The following ST3GAL2 variants were observed in gnomAD, a reference collection of about 807,000 sequenced individuals.
ST3GAL2 encodes ST3 beta-galactoside alpha-2,3-sialyltransferase 2, also known as CMP-N-acetylneuraminate-beta-galactosamide-alpha-2,3-sialyltransferase 2.
Under a neutral mutation model 37.5 loss-of-function variants are expected in ST3GAL2, and 16 were observed. The ratio of observed to expected loss-of-function variants is 0.43; its 90% CI spans 0.29 to 0.65. The LOEUF (loss-of-function observed/expected upper bound fraction) is 0.65. Among genes scored for constraint, ST3GAL2 ranks in the 30% least tolerant of loss-of-function variants. The probability of loss-of-function intolerance (pLI) is 0.17; values close to 1 mark genes in which losing one functional copy is unlikely to be tolerated. For synonymous variants in ST3GAL2, 238 were observed against 202.9 expected (o/e 1.17, Z -1.47); for missense variants, 383 against 487.8 (o/e 0.79, Z 2.02).
At chr16:70,383,875 T>C (rs2047423648) in intron 4 of ST3GAL2, among the ~76,000 whole-genome samples, 1 of 151,400 alleles carries the variant, frequency 6.6e-6, no homozygotes, top group Non-Finnish European at 1.5e-5. Flanking sequence ...CAGCAAGCGA[T>C]GGGGCCTTCC....
chr16:70,411,641 G>C (rs2047639078), intron 1 of ST3GAL2, among the ~76,000 whole-genome samples: 1 of 152,126 alleles, frequency 6.6e-6, no homozygotes. Context: ...AACTAATCCA[G>C]TGTTTTCCAG....
intron 1 of ST3GAL2, among the ~76,000 whole-genome samples, chr16:70,427,312 C>T (rs1405911008): frequency 6.6e-6 from 1 of 151,580 alleles, no homozygotes; most frequent in African/African-American, 2.4e-5. Context: ...TAATCCAAGC[C>T]CCTCAAGCCC....
intron 1 of ST3GAL2, among the ~76,000 whole-genome samples, chr16:70,432,949 G>C (rs977320088): frequency 2.0e-5 from 3 of 152,254 alleles, no homozygotes; most frequent in Non-Finnish European, 4.4e-5. Context: ...ACCACATAGA[G>C]AGCCTCTGGG....
chr16:70,426,202 T>TTG (rs1555561555), intron 1 of ST3GAL2, among the ~76,000 whole-genome samples: 12 of 143,060 alleles, frequency 8.4e-5, no homozygotes, highest in Non-Finnish European at 1.4e-4. Context: ...TTTTTTTTTT[T>TTG]TTTGTTTTTG....
intron 1 of ST3GAL2, among the ~76,000 whole-genome samples, chr16:70,403,193 T>C (rs1377697330): frequency 1.3e-5 from 2 of 150,178 alleles, no homozygotes; most frequent in African/African-American, 4.9e-5. Flanking sequence ...ACTAGTAGGG[T>C]AGTTGGAGGG....
intron 1 of ST3GAL2, among the ~76,000 whole-genome samples, chr16:70,417,853 C>T (rs534857257): frequency 6.6e-6 from 1 of 152,180 alleles, no homozygotes; most frequent in Non-Finnish European, 1.5e-5. Flanking sequence ...TCTCCCAACG[C>T]TGCCCTCTGA....
intron 3 of ST3GAL2, 29 bp downstream of exon 3, chr16:70,394,953 G>T: frequency 1.2e-6 from 2 of 1,603,790 alleles, no homozygotes; most frequent in South Asian, 1.1e-5. Flanking sequence ...CCCATCCTGA[G>T]CCCACCCTTG....
chr16:70,408,106 T>C (rs1245132022), intron 1 of ST3GAL2, among the ~76,000 whole-genome samples: 3 of 152,088 alleles, frequency 2.0e-5, no homozygotes, highest in Non-Finnish European at 4.4e-5. Flanking sequence ...TTTATGAACC[T>C]CTGAGCATTT....
At chr16:70,419,061 A>G (rs2047695762) in intron 1 of ST3GAL2, among the ~76,000 whole-genome samples, 3 of 152,152 alleles carry the variant, frequency 2.0e-5, no homozygotes, top group African/African-American at 7.2e-5. Flanking sequence ...CAACTCTTGG[A>G]TGTCAACATC....
chr16:70,386,026 GTT>G (rs2047440680), intron 4 of ST3GAL2, among the ~76,000 whole-genome samples: 2 of 151,590 alleles, frequency 1.3e-5, no homozygotes, highest in Admixed American at 1.3e-4. Context: ...AATTTTTTTT[GTT>G]TTGTTTTGTT....
intron 1 of ST3GAL2, among the ~76,000 whole-genome samples, chr16:70,426,140 G>A (rs529419498): frequency 3.4e-5 from 5 of 147,536 alleles, no homozygotes; most frequent in Non-Finnish European, 5.9e-5. Flanking sequence ...AGGATCCTAC[G>A]TTCCATTGCT....
intron 1 of ST3GAL2, among the ~76,000 whole-genome samples, chr16:70,404,724 CTT>C (rs1322204519): frequency 1.3e-5 from 2 of 152,118 alleles, no homozygotes; most frequent in Non-Finnish European, 2.9e-5. Flanking sequence ...GAAATGAAAA[CTT>C]AGGTTCACAT....
At position 70,381,306 on chromosome 16, in the gene ST3GAL2, C is replaced by T. The variant is rs996104308; in HGVS notation, c.*383G>A. ...CCAGCTACTAAGACGATCCTCCGCC[C>T]GAGGCTGACGGAAGTGCTTCGCCGA... is the stretch of plus-strand genomic sequence containing the variant. On this transcript the variant is annotated 3_prime_UTR_variant, in exon 7 of 7. Transcript: ENST00000342907. 4 of 191,826 alleles carry T rather than the reference C, an allele frequency of 2.1e-5. No homozygotes were observed. Among genetic ancestry groups the T allele is most frequent in the Non-Finnish European group, 4.4e-5 (4 of 91,228 alleles). 11.9% of individuals were successfully genotyped at this position (191,826 alleles called of 1,614,324 possible). A position where few individuals can be genotyped will look rare whatever the true frequency, so the allele number is the denominator to read the frequency against.
intron 1 of ST3GAL2, among the ~76,000 whole-genome samples, chr16:70,426,849 TTCTC>T (rs1056790728): frequency 2.0e-5 from 3 of 146,892 alleles, no homozygotes; most frequent in Non-Finnish European, 4.4e-5. Flanking sequence ...TCTCTGGATT[TTCTC>T]TCTTTCTTTT....
chr16:70,421,800 G>A (rs2047716545), intron 1 of ST3GAL2, among the ~76,000 whole-genome samples: 1 of 152,132 alleles, frequency 6.6e-6, no homozygotes. Flanking sequence ...TGAGCAGCTG[G>A]GACCACAGGT....
intron 1 of ST3GAL2, among the ~76,000 whole-genome samples, chr16:70,426,108 A>G (rs1007352517): frequency 1.3e-5 from 2 of 152,028 alleles, no homozygotes; most frequent in African/African-American, 4.8e-5. Flanking sequence ...ATGACCGTCA[A>G]TATAGAACGT....
At chr16:70,438,019 C>T (rs2047837829) in intron 1 of ST3GAL2, among the ~76,000 whole-genome samples, 1 of 152,198 alleles carries the variant, frequency 6.6e-6, no homozygotes, top group Non-Finnish European at 1.5e-5. Context: ...TGACTCAATC[C>T]TCCGCTCCTT....
chr16:70,386,192 T>C (rs1277126134), intron 4 of ST3GAL2, among the ~76,000 whole-genome samples: 6 of 151,572 alleles, frequency 4.0e-5, no homozygotes, highest in Non-Finnish European at 7.4e-5. Context: ...AGCTAGTTTT[T>C]TTTTTTTCTT....
chr16:70,422,402 C>T (rs943883777), intron 1 of ST3GAL2, among the ~76,000 whole-genome samples: 1 of 152,128 alleles, frequency 6.6e-6, no homozygotes, highest in Non-Finnish European at 1.5e-5. Context: ...ACTGGGGGAC[C>T]AGTTAAAACC....
Sources: gnomAD v4.1 joint callset for allele counts (sites outside exome capture counted in the v4.1 genomes callset) on GRCh38, gnomAD v4.1.1 for gene constraint, MANE v1.5 for transcripts, NCBI Gene and HGNC (gene_info 2026-07-23, HGNC 2026-07-21) for gene names.